Variants in NKAIN3 observed in about 807,000 individuals in gnomAD.
The protein encoded by NKAIN3 is sodium/potassium transporting ATPase interacting 3, also known as sodium/potassium-transporting ATPase subunit beta-1-interacting protein 3.
Under a neutral mutation model 30.2 loss-of-function variants are expected in NKAIN3, and 25 were observed. The ratio of observed to expected loss-of-function variants is 0.83; its 90% CI spans 0.60 to 1.16. The LOEUF (loss-of-function observed/expected upper bound fraction) is 1.16, where lower values mean the gene tolerates loss of function less well. Ranked by LOEUF, NKAIN3 falls within the 50% of genes most tolerant of loss-of-function variation. The pLI is 0.00. For synonymous variants in NKAIN3, 91 were observed against 89.6 expected, an observed-to-expected ratio of 1.02 and a Z score of -0.09; for missense variants, 225 against 254.1, an observed-to-expected ratio of 0.89 and a Z score of 0.78.
At chr8:62,386,782 C>A (rs1817436205) in intron 1 of NKAIN3, among the ~76,000 whole-genome samples, 3 of 152,062 alleles carry the variant, frequency 2.0e-5, no homozygotes, top group Admixed American at 2.0e-4. Flanking sequence ...TGGCCATGAG[C>A]AAGTTATCTT....
At chr8:62,604,312 C>T (rs1811061356) in intron 3 of NKAIN3, among the ~76,000 whole-genome samples, 1 of 152,136 alleles carries the variant, frequency 6.6e-6, no homozygotes, top group African/African-American at 2.4e-5. Context: ...TGGAAGCCCT[C>T]AGCATTGATT....
chr8:62,464,503 G>A (rs1346543383), intron 1 of NKAIN3, among the ~76,000 whole-genome samples: 2 of 152,148 alleles, frequency 1.3e-5, no homozygotes, highest in South Asian at 2.1e-4. Context: ...TATGTGGGCC[G>A]TCTTTTTGTT....
chr8:62,630,800 C>T (rs1811932942), intron 3 of NKAIN3, among the ~76,000 whole-genome samples: 1 of 152,170 alleles, frequency 6.6e-6, no homozygotes, highest in Non-Finnish European at 1.5e-5. Context: ...TCTGCCTCCA[C>T]CCAAAACCTT....
At chr8:62,656,177 T>G (rs544458584) in intron 3 of NKAIN3, among the ~76,000 whole-genome samples, 2 of 152,270 alleles carry the variant, frequency 1.3e-5, no homozygotes. Flanking sequence ...TTTTGTGCCA[T>G]GACTAATATT....
chr8:62,667,174 G>A (rs745667381), intron 3 of NKAIN3, among the ~76,000 whole-genome samples: 199 of 148,900 alleles, frequency 1.3e-3, no homozygotes, highest in Non-Finnish European at 9.4e-4. Context: ...GAGAGGGATA[G>A]CATTAGGAGA....
chr8:62,938,951 T>G (rs1822866965), intron 5 of NKAIN3, among the ~76,000 whole-genome samples: 1 of 152,222 alleles, frequency 6.6e-6, no homozygotes, highest in African/African-American at 2.4e-5. Flanking sequence ...ATTAGGCTGT[T>G]CAAAGAGGCA....
chr8:62,944,491 T>C (rs116129004), intron 5 of NKAIN3, among the ~76,000 whole-genome samples: 1,887 of 152,304 alleles, frequency 0.012, 41 homozygotes, highest in African/African-American at 0.044. Flanking sequence ...CACAGATCAA[T>C]TGGTAGTTTA....
At chr8:62,481,101 C>T (rs1806704879) in intron 1 of NKAIN3, among the ~76,000 whole-genome samples, 1 of 152,020 alleles carries the variant, frequency 6.6e-6, no homozygotes, top group South Asian at 2.1e-4. Flanking sequence ...TTATTGATTG[C>T]CTTTGTCACA....
intron 3 of NKAIN3, among the ~76,000 whole-genome samples, chr8:62,745,490 C>T (rs1000166064): frequency 6.6e-6 from 1 of 152,216 alleles, no homozygotes; most frequent in Admixed American, 6.5e-5. Context: ...TCCATCACCA[C>T]TACTTCTTCT....
chr8:62,249,213 C>T (rs1021086390), intron 1 of NKAIN3, 86 bp downstream of exon 1: 3 of 1,159,228 alleles, frequency 2.6e-6, no homozygotes, highest in East Asian at 5.8e-5. Flanking sequence ...CCGCAGCTCC[C>T]GGCAAGGGGC....
chr8:62,788,426 G>T (rs552411666), intron 4 of NKAIN3, among the ~76,000 whole-genome samples: 1 of 152,166 alleles, frequency 6.6e-6, no homozygotes, highest in East Asian at 1.9e-4. Flanking sequence ...TGTAGATTCT[G>T]GATATTAGCC....
intron 4 of NKAIN3, among the ~76,000 whole-genome samples, chr8:62,754,752 G>A (rs1816395653): frequency 6.6e-6 from 1 of 152,128 alleles, no homozygotes; most frequent in Admixed American, 6.6e-5. Flanking sequence ...ATAGAGAAGG[G>A]TAAAAAGTAA....
At chr8:62,703,844 A>G (rs1814429196) in intron 3 of NKAIN3, among the ~76,000 whole-genome samples, 1 of 152,182 alleles carries the variant, frequency 6.6e-6, no homozygotes, top group African/African-American at 2.4e-5. Flanking sequence ...TATATTCTTT[A>G]GCACCCAGTA....
chr8:62,652,828 C>T (rs547463912), intron 3 of NKAIN3, among the ~76,000 whole-genome samples: 1 of 152,198 alleles, frequency 6.6e-6, no homozygotes, highest in South Asian at 2.1e-4. Context: ...GGAAACTGAG[C>T]CACGGACAAG....
chr8:62,484,453 T>C (rs1424665907), intron 1 of NKAIN3, among the ~76,000 whole-genome samples: 1 of 152,198 alleles, frequency 6.6e-6, no homozygotes, highest in Non-Finnish European at 1.5e-5. Context: ...CCGTGGGGTT[T>C]GGGGCCTGTG....
At chr8:62,316,823 T>C (rs1282092681) in intron 1 of NKAIN3, among the ~76,000 whole-genome samples, 2 of 152,184 alleles carry the variant, frequency 1.3e-5, no homozygotes, top group Non-Finnish European at 2.9e-5. Context: ...CAAATGGTAT[T>C]TCTAGTTCTA....
intron 5 of NKAIN3, among the ~76,000 whole-genome samples, chr8:62,923,096 AG>A (rs1306009356): frequency 6.6e-6 from 1 of 152,156 alleles, no homozygotes; most frequent in Non-Finnish European, 1.5e-5. Context: ...CAGCAATTCA[AG>A]GGCAGCCTGG....
At chr8:62,705,267 A>G (rs573223938) in intron 3 of NKAIN3, among the ~76,000 whole-genome samples, 1 of 152,340 alleles carries the variant, frequency 6.6e-6, no homozygotes, top group African/African-American at 2.4e-5. Flanking sequence ...CAACTAAATT[A>G]TCGCTAAGAA....
intron 3 of NKAIN3, among the ~76,000 whole-genome samples, chr8:62,615,883 T>A (rs1356566788): frequency 6.6e-6 from 1 of 152,140 alleles, no homozygotes; most frequent in African/African-American, 2.4e-5. Context: ...GACTTTTTTT[T>A]AATCTCTTCA....
Sources: allele counts gnomAD v4.1 joint callset (sites outside exome capture counted in the v4.1 genomes callset), GRCh38; gene constraint gnomAD v4.1.1; transcripts MANE v1.5; gene names NCBI Gene and HGNC (gene_info 2026-07-23, HGNC 2026-07-21).